PINX1: variants seen among roughly 807,000 people sequenced by gnomAD.
PINX1 encodes PIN2 (TERF1) interacting telomerase inhibitor 1, also known as PIN2/TERF1-interacting telomerase inhibitor 1.
PINX1 carries 34 observed loss-of-function variants against 25.4 expected under a neutral mutation model. The ratio of observed to expected loss-of-function variants is 1.34; its 90% CI spans 1.02 to 1.78. The LOEUF (loss-of-function observed/expected upper bound fraction) is 1.78, where lower values mean the gene tolerates loss of function less well. Among genes scored for constraint, PINX1 ranks in the 40% most tolerant of loss-of-function variants. PINX1 has a pLI of 0.00. For synonymous variants in PINX1, 197 were observed against 147.7 expected (o/e 1.33, Z -2.42); for missense variants, 592 against 404.9 (o/e 1.46, Z -3.97).
chr8:10,785,022 C>T (rs1801703040), intron 6 of PINX1, among the ~76,000 whole-genome samples: 1 of 152,184 alleles, frequency 6.6e-6, no homozygotes, highest in African/African-American at 2.4e-5. Context: ...CCTACCAGCA[C>T]TCTGATCCCT....
chr8:10,796,054 AAGTGGTGAAAGAGCTTAG>A (rs1465566546), intron 6 of PINX1, among the ~76,000 whole-genome samples: 2 of 152,238 alleles, frequency 1.3e-5, no homozygotes. Flanking sequence ...TTTGCAGGCC[AAGTGGTGAAAGAGCTTAG>A]AGATTTGGAG....
intron 6 of PINX1, among the ~76,000 whole-genome samples, chr8:10,777,536 G>C (rs1195088339): frequency 6.6e-6 from 1 of 152,232 alleles, no homozygotes; most frequent in Non-Finnish European, 1.5e-5. Context: ...AACGAAGCTA[G>C]TTGAAGGGGG....
intron 6 of PINX1, among the ~76,000 whole-genome samples, chr8:10,792,899 CCCCCTTA>C (rs1801968079): frequency 6.6e-6 from 1 of 152,068 alleles, no homozygotes; most frequent in African/African-American, 2.4e-5. Flanking sequence ...ATCTGAGATG[CCCCCTTA>C]CCTCTCCCAG....
intron 6 of PINX1, among the ~76,000 whole-genome samples, chr8:10,778,683 T>G (rs1801490157): frequency 6.6e-6 from 1 of 152,212 alleles, no homozygotes; most frequent in Non-Finnish European, 1.5e-5. Flanking sequence ...TGGCCCACAT[T>G]TATTTGATCC....
At chr8:10,770,434 G>C (rs903138520) in intron 6 of PINX1, among the ~76,000 whole-genome samples, 5 of 152,114 alleles carry the variant, frequency 3.3e-5, no homozygotes, top group Non-Finnish European at 5.9e-5. Context: ...AGTCCTCTCC[G>C]GTCCCTGAAA....
intron 6 of PINX1, among the ~76,000 whole-genome samples, chr8:10,810,333 G>A (rs755000166): frequency 2.0e-5 from 3 of 152,184 alleles, no homozygotes; most frequent in Non-Finnish European, 4.4e-5. Context: ...TGGCATTTGT[G>A]TTGGAGGCCG....
At chr8:10,782,811 T>C (rs1490326288) in intron 6 of PINX1, among the ~76,000 whole-genome samples, 5 of 152,102 alleles carry the variant, frequency 3.3e-5, no homozygotes, top group Non-Finnish European at 5.9e-5. Flanking sequence ...AGATAATAGC[T>C]GCAATGCATT....
At chr8:10,828,047 A>G (rs1444530380) in intron 4 of PINX1, among the ~76,000 whole-genome samples, 1 of 152,160 alleles carries the variant, frequency 6.6e-6, no homozygotes, top group African/African-American at 2.4e-5. Flanking sequence ...ACTGCACTGC[A>G]ACCCCTCCCA....
At chr8:10,800,196 A>G (rs1227088416) in intron 6 of PINX1, among the ~76,000 whole-genome samples, 1 of 152,244 alleles carries the variant, frequency 6.6e-6, no homozygotes, top group Non-Finnish European at 1.5e-5. Context: ...ACCTAACAAG[A>G]GTCTGATGTA....
At chr8:10,817,931 A>T (rs145329865) in intron 6 of PINX1, among the ~76,000 whole-genome samples, 1 of 24,086 alleles carries the variant, frequency 4.2e-5, no homozygotes. Flanking sequence ...GGGAGGAATT[A>T]AAAAAAAATT....
chr8:10,780,218 T>C (rs1015012479), intron 6 of PINX1, among the ~76,000 whole-genome samples: 2 of 152,184 alleles, frequency 1.3e-5, no homozygotes, highest in Non-Finnish European at 2.9e-5. Context: ...CTTTTTCTCA[T>C]CTGACTGCTC....
chr8:10,832,234 C>T (rs1236575883), intron 3 of PINX1, among the ~76,000 whole-genome samples: 1 of 152,020 alleles, frequency 6.6e-6, no homozygotes, highest in African/African-American at 2.4e-5. Context: ...CCTTAAGTCC[C>T]CTGAATCGAT....
At chr8:10,796,377 G>A (rs530621601) in intron 6 of PINX1, among the ~76,000 whole-genome samples, 154 of 152,206 alleles carry the variant, frequency 1.0e-3, no homozygotes, top group African/African-American at 3.6e-3. Context: ...ACACCCGCAA[G>A]AATCCGATGA....
chr8:10,782,137 G>A (rs1046569004), intron 6 of PINX1, among the ~76,000 whole-genome samples: 2 of 152,176 alleles, frequency 1.3e-5, no homozygotes, highest in Non-Finnish European at 1.5e-5. Context: ...AATAGAAATA[G>A]AGAGTAAGAT....
intron 5 of PINX1, among the ~76,000 whole-genome samples, chr8:10,822,366 T>C (rs1279972354): frequency 1.3e-5 from 2 of 152,252 alleles, no homozygotes; most frequent in Non-Finnish European, 2.9e-5. Flanking sequence ...TACAAAATAC[T>C]GTTGATAAAC....
chr8:10,774,780 T>G (rs1230986326), intron 6 of PINX1, among the ~76,000 whole-genome samples: 1 of 152,236 alleles, frequency 6.6e-6, no homozygotes, highest in East Asian at 1.9e-4. Flanking sequence ...ACTCTTTCTT[T>G]CACCAGAAAT....
At chr8:10,793,609 A>C (rs900167675) in intron 6 of PINX1, among the ~76,000 whole-genome samples, 1 of 152,244 alleles carries the variant, frequency 6.6e-6, no homozygotes, top group African/African-American at 2.4e-5. Context: ...AAAGCTTCTA[A>C]GGAATTAATG....
intron 6 of PINX1, among the ~76,000 whole-genome samples, chr8:10,768,666 A>C (rs2129070484): frequency 6.6e-6 from 1 of 152,298 alleles, no homozygotes; most frequent in South Asian, 2.1e-4. Flanking sequence ...CACATCACAG[A>C]AACGTGCCTA....
chr8:10,789,676 C>T (rs1298131849), intron 6 of PINX1, among the ~76,000 whole-genome samples: 4 of 152,188 alleles, frequency 2.6e-5, no homozygotes, highest in African/African-American at 4.8e-5. Context: ...GCCAAAAACG[C>T]AAGCTGCTAA....
Sources: gnomAD v4.1 joint callset for allele counts (sites outside exome capture counted in the v4.1 genomes callset) on GRCh38, gnomAD v4.1.1 for gene constraint, MANE v1.5 for transcripts, NCBI Gene and HGNC (gene_info 2026-07-23, HGNC 2026-07-21) for gene names.